Variants in NELL1 observed in about 807,000 individuals in gnomAD.
NELL1 encodes the protein neural EGFL like 1.
A neutral mutation model predicts 107.4 loss-of-function variants in NELL1; 76 were observed. The observed-to-expected ratio is 0.71, with a 90% CI of 0.59 to 0.86. The LOEUF (loss-of-function observed/expected upper bound fraction) is 0.86, where lower values mean the gene tolerates loss of function less well. Ranked by LOEUF, NELL1 falls within the 40% of genes least tolerant of loss-of-function variation. The pLI, the probability that NELL1 is intolerant of heterozygous loss-of-function variation, is 0.00. For missense variants in NELL1, 1,024 were observed against 1,005.5 expected (o/e 1.02, Z -0.25); for synonymous variants, 353 against 341.2 (o/e 1.03, Z -0.38).
intron 15 of NELL1, among the ~76,000 whole-genome samples, chr11:21,405,125 G>C (rs1852202990): frequency 6.6e-6 from 1 of 151,892 alleles, no homozygotes; most frequent in African/African-American, 2.4e-5. Context: ...CCGATGGCTG[G>C]GTGGTTCCAC....
intron 15 of NELL1, among the ~76,000 whole-genome samples, chr11:21,484,453 T>C (rs1854576955): frequency 6.6e-6 from 1 of 151,978 alleles, no homozygotes; most frequent in Admixed American, 6.6e-5. Flanking sequence ...TCCCCTTACA[T>C]TTATTCTTCC....
chr11:20,927,515 G>T (rs972570864), intron 8 of NELL1, 73 bp downstream of exon 8: 2 of 1,402,192 alleles, frequency 1.4e-6, no homozygotes, highest in Non-Finnish European at 9.7e-7. Context: ...AGTGTAACCT[G>T]GTTCTTTAAT....
chr11:20,927,110 A>G (rs1850513147), intron 7 of NELL1, 198 bp from the exon 8 acceptor site: 6 of 537,272 alleles, frequency 1.1e-5, no homozygotes, highest in Admixed American at 3.7e-5. Context: ...ATGACAGCCA[A>G]TATTTCTTCA....
chr11:21,033,458 G>A (rs1264460625), intron 12 of NELL1, among the ~76,000 whole-genome samples: 1 of 152,060 alleles, frequency 6.6e-6, no homozygotes, highest in East Asian at 1.9e-4. Flanking sequence ...TCATCATTTA[G>A]CTTTCACTTA....
chr11:21,071,071 C>T (rs891014328), intron 12 of NELL1, among the ~76,000 whole-genome samples: 17 of 152,158 alleles, frequency 1.1e-4, no homozygotes, highest in Admixed American at 9.2e-4. Flanking sequence ...ATCACCATAG[C>T]TATGAGGTTA....
At chr11:20,951,489 G>C (rs570679349) in intron 11 of NELL1, among the ~76,000 whole-genome samples, 1 of 152,218 alleles carries the variant, frequency 6.6e-6, no homozygotes, top group African/African-American at 2.4e-5. Flanking sequence ...GGTGTTCACT[G>C]TATCAACAAA....
intron 2 of NELL1, among the ~76,000 whole-genome samples, chr11:20,688,699 G>A (rs893994088): frequency 2.6e-5 from 4 of 152,034 alleles, no homozygotes; most frequent in African/African-American, 4.8e-5. Context: ...ACAAACATAC[G>A]AGTACATGTG....
rs76882177 is a variant in NELL1 at position 21,063,269 on chromosome 11, G to A, written c.1301-50320G>A. On this transcript the variant is annotated intron_variant, in intron 12 of 19. Coordinates refer to ENST00000357134, the MANE Select transcript of NELL1 (RefSeq NM_006157.5). ...TGGCTTCTTCCCCTGGAATCAGGGCGCATCAACCTCCTGGCACACTGAGGT... is the reference window on the plus strand; with the variant it reads ...TGGCTTCTTCCCCTGGAATCAGGGCACATCAACCTCCTGGCACACTGAGGT... Among the ~76,000 whole-genome samples the A allele has an allele frequency of 5.9e-5, 9 of 152,240 alleles. No homozygotes were observed. In the East Asian group the frequency reaches 9.7e-4, roughly 16 times the overall value.
intron 12 of NELL1, among the ~76,000 whole-genome samples, chr11:21,093,383 C>T (rs1401568554): frequency 6.6e-6 from 1 of 152,072 alleles, no homozygotes; most frequent in Non-Finnish European, 1.5e-5. Flanking sequence ...GCAGTCACTA[C>T]TAGTTGTACT....
intron 10 of NELL1, among the ~76,000 whole-genome samples, chr11:20,942,806 T>C (rs1025534052): frequency 3.3e-5 from 5 of 152,206 alleles, no homozygotes; most frequent in African/African-American, 1.2e-4. Flanking sequence ...ACTGTGGTGA[T>C]GGTCCCAGAA....
intron 5 of NELL1, among the ~76,000 whole-genome samples, chr11:20,899,884 C>A (rs1024821086): frequency 1.2e-5 from 1 of 83,882 alleles, no homozygotes; most frequent in Non-Finnish European, 2.4e-5. Flanking sequence ...ACATGAATCG[C>A]CAAAATGGAC....
rs145891316 is a variant in NELL1, at chr11:20,783,739, C to T, written c.244C>T (p.Arg82Trp). The change falls in exon 3 of 20, where the codon CGG (arginine) becomes TGG (tryptophan). Residue 82 changes from arginine (R) to tryptophan (W), a missense_variant. Physicochemically the swap from Arg to Trp is moderately radical, Grantham distance 101 (BLOSUM62 -3). Coordinates refer to ENST00000357134, the MANE Select transcript of NELL1 (RefSeq NM_006157.5). ...GAGTGAGAAATTAATTCAGCTGTTC[C>T]GGAACAAGAGTGAATTCACCATTTT... ...HVSEKLIQLF[R>W]NKSEFTILAT... The T allele has an allele frequency of 1.4e-4, 222 of 1,613,860 alleles. No homozygotes were observed. The African/African-American group carries it at 2.1e-3, about 16-fold the overall frequency.
At chr11:21,508,535 C>T (rs911869836) in intron 15 of NELL1, among the ~76,000 whole-genome samples, 7 of 151,930 alleles carry the variant, frequency 4.6e-5, no homozygotes, top group African/African-American at 1.5e-4. Context: ...TAAACAGCTA[C>T]GAAACTAGTC....
chr11:21,095,248 C>T (rs1018126454), intron 12 of NELL1, among the ~76,000 whole-genome samples: 1 of 152,186 alleles, frequency 6.6e-6, no homozygotes, highest in Non-Finnish European at 1.5e-5. Flanking sequence ...CCATCTGAGA[C>T]CACCTCAGCC....
chr11:21,404,046 C>T (rs752114300), intron 15 of NELL1, among the ~76,000 whole-genome samples: 1 of 136,492 alleles, frequency 7.3e-6, no homozygotes, highest in Non-Finnish European at 1.6e-5. Context: ...ATTCCCCCCG[C>T]CACCACGCAC....
At chr11:20,745,782 T>C (rs988203288) in intron 2 of NELL1, among the ~76,000 whole-genome samples, 4 of 152,158 alleles carry the variant, frequency 2.6e-5, no homozygotes, top group African/African-American at 9.7e-5. Context: ...TCTGGTGCAA[T>C]GCCATAATCT....
rs1405423018 is a variant in NELL1, at chr11:20,927,414, G to A, written c.866G>A (p.Gly289Asp). 6.2e-7 allele frequency: 1 copy of A among 1,611,806 alleles called. No individual in the cohort carries two copies. The highest frequency in any genetic ancestry group is 8.5e-7 in the Non-Finnish European group (1 of 1,179,554). ...CGAGATCAAGACTCTTGGGTAGATGGTGACCATTGCAGGAACTGCACTTGC... is the reference window on the plus strand; with the variant it reads ...CGAGATCAAGACTCTTGGGTAGATGATGACCATTGCAGGAACTGCACTTGC... The part of the protein sequence containing the change: ...LYRDQDSWVD[G>D]DHCRNCTCKS... The change falls in exon 8 of 20, where the codon GGT becomes GAT. Residue 289 changes from glycine to aspartate, a missense_variant. Transcript: ENST00000357134.
chr11:20,776,460 AAAAAT>A, intron 2 of NELL1, among the ~76,000 whole-genome samples: 1 of 152,042 alleles, frequency 6.6e-6, no homozygotes, highest in African/African-American at 2.4e-5. Context: ...AAAAATAAAT[AAAAAT>A]AAAATAAAAT....
intron 14 of NELL1, among the ~76,000 whole-genome samples, chr11:21,323,847 A>T (rs1850067333): frequency 6.6e-6 from 1 of 152,154 alleles, no homozygotes; most frequent in African/African-American, 2.4e-5. Flanking sequence ...GTACCCCAGA[A>T]GGCATAACGC....
Sources: allele counts gnomAD v4.1 joint callset (sites outside exome capture counted in the v4.1 genomes callset), GRCh38; gene constraint gnomAD v4.1.1; transcripts MANE v1.5; gene names NCBI Gene and HGNC (gene_info 2026-07-23, HGNC 2026-07-21).